Variants in CEP290 observed in about 807,000 individuals in gnomAD.
CEP290 encodes the protein centrosomal protein 290.
CEP290 carries 317 observed loss-of-function variants against 344.9 expected under a neutral mutation model. That is an observed-to-expected ratio of 0.92 (90% confidence interval 0.84 to 1.01). The LOEUF (loss-of-function observed/expected upper bound fraction) is 1.01, where lower values mean the gene tolerates loss of function less well. Among genes scored for constraint, CEP290 ranks in the 50% least tolerant of loss-of-function variants. The pLI, the probability that CEP290 is intolerant of heterozygous loss-of-function variation, is 0.00. For missense variants in CEP290, 2,754 were observed against 2,761.4 expected, an observed-to-expected ratio of 1.00 and a Z score of 0.06; for synonymous variants, 932 against 895.8, an observed-to-expected ratio of 1.04 and a Z score of -0.72.
intron 28 of CEP290, among the ~76,000 whole-genome samples, chr12:88,093,301 T>C (rs1468065752): frequency 6.6e-6 from 1 of 152,116 alleles, no homozygotes; most frequent in African/African-American, 2.4e-5. Context: ...TCATAAATTG[T>C]TAAATACTTG....
intron 15 of CEP290, 111 bp downstream of exon 15, chr12:88,120,003 T>A: frequency 3.3e-6 from 2 of 607,060 alleles, no homozygotes; most frequent in African/African-American, 1.9e-5. Context: ...TATAAAAGCA[T>A]TTGAAAAAAG....
rs2137341409 is a variant in CEP290 at position 88,092,707 on chromosome 12, T to TTCA, written c.3432_3434dup (p.Asn1144_Glu1145insAsp). 6.2e-7 allele frequency: 1 copy of TTCA among 1,609,618 alleles called. No individual in the cohort carries two copies. Among genetic ancestry groups the TTCA allele is most frequent in the Non-Finnish European group, 8.5e-7 (1 of 1,178,266 alleles). On this transcript the variant is annotated inframe_insertion, in exon 29 of 54. Coordinates refer to ENST00000552810, the MANE Select transcript of CEP290 (RefSeq NM_025114.4). ...TTGACACTTCAACTTTTAGTTCCAT[T>TTCA]TCATTCTTCTCTAATTCTAGAATCC... is the stretch of plus-strand genomic sequence containing the variant.
At position 88,071,932 on chromosome 12, in the gene CEP290, A is replaced by G. The variant is rs772896946; in HGVS notation, c.5710-6T>C. The stretch of plus-strand genomic sequence containing the variant: ...ATTAATTCTTCTTTAGCATTCTGTA[A>G]CAATAACGAAGGAGGTAGGAAAATT... On this transcript the variant is annotated splice_polypyrimidine_tract_variant and splice_region_variant and intron_variant, in intron 41 of 53. Coordinates refer to ENST00000552810, the MANE Select transcript of CEP290 (RefSeq NM_025114.4). The G allele has an allele frequency of 6.4e-7, 1 of 1,574,734 alleles. No homozygotes were observed. The highest frequency in any genetic ancestry group is 2.3e-5 in the East Asian group (1 of 43,408).
At chr12:88,061,267 A>C (rs893226308) in intron 46 of CEP290, among the ~76,000 whole-genome samples, 2 of 152,172 alleles carry the variant, frequency 1.3e-5, no homozygotes, top group African/African-American at 2.4e-5. Context: ...GTCTGATCAA[A>C]ATGATTAAGT....
chr12:88,104,905 C>T (rs1027219344), intron 25 of CEP290, among the ~76,000 whole-genome samples: 1 of 151,940 alleles, frequency 6.6e-6, no homozygotes, highest in Non-Finnish European at 1.5e-5. Flanking sequence ...ATCAAAGAAG[C>T]TTAGTAAAAA....
Position 88,107,011 on chromosome 12 carries a change from T to G in CEP290, c.2571A>C (p.Lys857Asn). 1 of 1,548,016 alleles carries G rather than the reference T, an allele frequency of 6.5e-7. No homozygotes were observed. The change falls in exon 24 of 54, where the codon AAA becomes AAC. Residue 857 changes from lysine (K) to asparagine (N), a missense_variant. Transcript: ENST00000552810. Reference protein sequence around the residue: ...LEDQVQQDAIKVKEYNNLLNA... With the variant: ...LEDQVQQDAINVKEYNNLLNA... Reference sequence around the variant, plus strand: ...TTTTACTTACATTATATTCTTTTACTTTTATAGCATCTTGTTGGACTTGAT... The same window carrying G: ...TTTTACTTACATTATATTCTTTTACGTTTATAGCATCTTGTTGGACTTGAT...
chr12:88,080,522 C>T, intron 37 of CEP290, 127 bp from the exon 38 acceptor site: 8 of 639,048 alleles, frequency 1.3e-5, no homozygotes, highest in Non-Finnish European at 1.8e-5. Flanking sequence ...CTCTGCCTCC[C>T]AGATTCAAGT....
Position 88,111,196 on chromosome 12 carries a change from C to T in CEP290, c.2367+6G>A. The T allele has an allele frequency of 7.4e-7, 1 of 1,349,056 alleles. No homozygotes were observed. The highest frequency in any genetic ancestry group is 9.6e-7 in the Non-Finnish European group (1 of 1,040,746). The allele number at this position is 1,349,056 out of a possible 1,614,324, so 83.6% of individuals were successfully genotyped here. ...TTTTCAATACCTGTAACAAAATTTT[C>T]AATACCTGTAACAAATGTATTAAAT... On this transcript the variant is annotated splice_donor_region_variant and intron_variant, in intron 22 of 53. Coordinates refer to ENST00000552810, the MANE Select transcript of CEP290 (RefSeq NM_025114.4).
chr12:88,058,741 CTG>C lies in CEP290; in HGVS notation c.6818+105_6818+106del. 3 of 1,059,306 alleles carry C rather than the reference CTG, an allele frequency of 2.8e-6. No homozygotes were observed. In the South Asian group the frequency reaches 4.4e-5, roughly 16 times the overall value. 65.6% of individuals were successfully genotyped at this position (1,059,306 alleles called of 1,614,324 possible). A position where few individuals can be genotyped will look rare whatever the true frequency, so the allele number is the denominator to read the frequency against. On this transcript the variant is annotated intron_variant, in intron 49 of 53. Transcript: ENST00000552810. ...TATGTTAAAACAACAACCAAACAAA[CTG>C]TTCATCAGGAAGAAACCAGGTTATC...
rs534934173 is a variant in CEP290 at position 88,066,025 on chromosome 12, T to A, written c.6136-1910A>T. ...GATAGGAGTTAGAGATAATGCCTAG[T>A]GGAAGTCTCAAACTCTTATTTATTA... is the stretch of plus-strand genomic sequence containing the variant. On this transcript the variant is annotated intron_variant, in intron 44 of 53. Coordinates refer to ENST00000552810, the MANE Select transcript of CEP290 (RefSeq NM_025114.4). Among the ~76,000 whole-genome samples, 22 of 152,324 alleles carry A rather than the reference T, an allele frequency of 1.4e-4. No homozygotes were observed. In the East Asian group the frequency reaches 4.2e-3, roughly 29 times the overall value.
At chr12:88,107,471 C>A (rs532347429) in intron 23 of CEP290, among the ~76,000 whole-genome samples, 1 of 152,198 alleles carries the variant, frequency 6.6e-6, no homozygotes, top group East Asian at 1.9e-4. Flanking sequence ...ACCCCACTCT[C>A]AAATTTGGGT....
At chr12:88,140,899 G>A in intron 3 of CEP290, 57 bp downstream of exon 3, 1 of 1,176,648 alleles carries the variant, frequency 8.5e-7, no homozygotes, top group Non-Finnish European at 1.2e-6. Flanking sequence ...TATAAGAACA[G>A]ATTTTTATAG....
chr12:88,114,064 T>C (rs1248527988), intron 20 of CEP290, among the ~76,000 whole-genome samples: 2 of 151,966 alleles, frequency 1.3e-5, no homozygotes, highest in Non-Finnish European at 2.9e-5. Context: ...AACCACAGGA[T>C]ACAGCCCAAA....
chr12:88,120,200 A>G lies in CEP290; in HGVS notation c.1436T>C (p.Ile479Thr), dbSNP rs371088254. 1 of 1,513,002 alleles carries G rather than the reference A, an allele frequency of 6.6e-7. No individual in the cohort carries two copies. The highest frequency in any genetic ancestry group is 8.9e-7 in the Non-Finnish European group (1 of 1,124,794). The allele number at this position is 1,513,002 out of a possible 1,614,324, so 93.7% of individuals were successfully genotyped here. A position where few individuals can be genotyped will look rare whatever the true frequency, so the allele number is the denominator to read the frequency against. ...KNQIKIRDRE[I>T]EILTKEINKL... ...ATTGATTTCCTTTGTTAATATTTCA[A>G]TCTCTCGATCTCTTATTTTAATTTG... is the stretch of plus-strand genomic sequence containing the variant. The change falls in exon 15 of 54, where the codon ATT becomes ACT. Residue 479 changes from isoleucine to threonine, a missense_variant. Transcript: ENST00000552810.
At chr12:88,066,414 CT>C (rs1454425294) in intron 44 of CEP290, among the ~76,000 whole-genome samples, 2 of 151,904 alleles carry the variant, frequency 1.3e-5, no homozygotes, top group South Asian at 4.2e-4. Context: ...ATCTGCCCAC[CT>C]CTGCCTCCCG....
chr12:88,121,775 A>T (rs527706669), intron 13 of CEP290, among the ~76,000 whole-genome samples: 1 of 152,236 alleles, frequency 6.6e-6, no homozygotes, highest in East Asian at 1.9e-4. Context: ...GGTTCCTGAT[A>T]GGGGATATTT....
At chr12:88,136,606 G>C (rs1202046893) in intron 6 of CEP290, 37 bp downstream of exon 6, 5 of 1,602,698 alleles carry the variant, frequency 3.1e-6, no homozygotes, top group Non-Finnish European at 3.4e-6. Context: ...CAGGTAACTT[G>C]AACAGTGAAG....
chr12:88,060,686 T>C, intron 47 of CEP290, 144 bp downstream of exon 47: 2 of 590,608 alleles, frequency 3.4e-6, no homozygotes, highest in South Asian at 2.7e-5. Flanking sequence ...GCCTTGCCTC[T>C]CATAAGTTTT....
intron 52 of CEP290, among the ~76,000 whole-genome samples, chr12:88,050,711 A>G (rs544160488): frequency 9.8e-5 from 15 of 152,330 alleles, no homozygotes; most frequent in African/African-American, 3.4e-4. Context: ...TTTACATGGA[A>G]AAAATCCTAA....
Sources: allele counts gnomAD v4.1 joint callset (sites outside exome capture counted in the v4.1 genomes callset), GRCh38; gene constraint gnomAD v4.1.1; transcripts MANE v1.5; gene names NCBI Gene and HGNC (gene_info 2026-07-23, HGNC 2026-07-21).